Variants in PTOV1 observed in about 807,000 individuals in gnomAD.
The protein encoded by PTOV1 is prostate tumor-overexpressed gene 1 protein.
PTOV1 carries 20 observed loss-of-function variants against 58.0 expected under a neutral mutation model. That is an observed-to-expected ratio of 0.34 (90% confidence interval 0.24 to 0.50). The LOEUF (loss-of-function observed/expected upper bound fraction) is 0.50. PTOV1 is among the 20% of genes least tolerant of loss of function. PTOV1 has a pLI of 0.98. For missense variants in PTOV1, 593 were observed against 565.4 expected (o/e 1.05, Z -0.50); for synonymous variants, 335 against 234.2 (o/e 1.43, Z -3.93).
chr19:49,860,335 T>C lies in PTOV1; in HGVS notation c.*56T>C, dbSNP rs1195154161. On this transcript the variant is annotated 3_prime_UTR_variant, in exon 12 of 12. Transcript: ENST00000391842. Reference sequence around the variant, plus strand: ...TCACAGATGAGGCCCCCGCAGAGACTGGTGAGTGGTGACCCTGTCATGTAC... The same window carrying C: ...TCACAGATGAGGCCCCCGCAGAGACCGGTGAGTGGTGACCCTGTCATGTAC... 3 of 1,348,444 alleles carry C rather than the reference T, an allele frequency of 2.2e-6. No individual in the cohort carries two copies. The Middle Eastern group carries it at 7.6e-4, about 341-fold the overall frequency. 83.5% of individuals were successfully genotyped at this position (1,348,444 alleles called of 1,614,324 possible).
intron 5 of PTOV1, 31 bp from the exon 6 acceptor site, chr19:49,856,944 A>G (rs757743803): frequency 7.5e-6 from 12 of 1,610,168 alleles, no homozygotes; most frequent in Non-Finnish European, 1.0e-5. Flanking sequence ...CCGGGCAGTG[A>G]CCACAGGGTC....
At position 49,857,019 on chromosome 19, in the gene PTOV1, C is replaced by T. The variant is rs558222206; in HGVS notation, c.603C>T (p.Arg201=). Residue 201 remains arginine (R), a synonymous_variant, in exon 6 of 12, where the codon CGC becomes CGT. Coordinates refer to ENST00000391842, the Ensembl canonical transcript of PTOV1. Reference sequence around the variant, plus strand: ...CCCACATCTCCCCCTGTGAGGTGCGCGTGCTCATGCTCCTGTACTCGTCCA... The same window carrying T: ...CCCACATCTCCCCCTGTGAGGTGCGTGTGCTCATGCTCCTGTACTCGTCCA... The T allele has an allele frequency of 4.5e-5, 72 of 1,613,938 alleles. No individual in the cohort carries two copies. The Middle Eastern group carries it at 8.5e-4, about 19-fold the overall frequency.
exon 12 of PTOV1, chr19:49,860,273 G>T (rs1309803589): frequency 1.2e-6 from 2 of 1,613,680 alleles, no homozygotes; most frequent in East Asian, 2.2e-5. Flanking sequence ...CGTAGATGGG[G>T]GGGTAGTGGT....
At chr19:49,859,870 G>A in intron 10 of PTOV1, 116 bp from the exon 11 acceptor site, 4 of 1,151,142 alleles carry the variant, frequency 3.5e-6, no homozygotes, top group South Asian at 2.7e-5. Context: ...TGGGGGGTGT[G>A]AGGACAGAGC....
In PTOV1 at chr19:49,855,268, A is replaced by G. The variant is rs2074413915; in HGVS notation, c.558+191A>G. On this transcript the variant is annotated intron_variant, in intron 5 of 11. Transcript: ENST00000391842. Reference sequence around the variant, plus strand: ...CGTAGAGCACAGGGTGAAGGAACTCAGCCTGAGAGGCCTCCAGTTTCTGCA... The same window carrying G: ...CGTAGAGCACAGGGTGAAGGAACTCGGCCTGAGAGGCCTCCAGTTTCTGCA... 1.8e-5 allele frequency: 11 copies of G among 602,106 alleles called. No homozygotes were observed. In the South Asian group the frequency reaches 1.9e-4, roughly 11 times the overall value. The allele number at this position is 602,106 out of a possible 1,614,324, so 37.3% of individuals were successfully genotyped here. A position where few individuals can be genotyped will look rare whatever the true frequency, so the allele number is the denominator to read the frequency against.
At chr19:49,860,369 C>A in exon 12 of PTOV1, 1 of 1,430,882 alleles carries the variant, frequency 7.0e-7, no homozygotes, top group Non-Finnish European at 9.5e-7. Flanking sequence ...ACAGGAGGGA[C>A]CCTGGGGCAT....
exon 2 of PTOV1, chr19:49,854,543 G>A: frequency 1.2e-6 from 2 of 1,612,970 alleles, no homozygotes; most frequent in Non-Finnish European, 1.7e-6. Context: ...AGTGGCAGGA[G>A]GTGAGTCTCT....
intron 5 of PTOV1, chr19:49,855,499 AG>A: frequency 4.2e-6 from 1 of 237,314 alleles, no homozygotes; most frequent in Non-Finnish European, 8.6e-6. Context: ...AACCTCCCCG[AG>A]TGGCCTGAGC....
At chr19:49,850,744 A>G, upstream of PTOV1, 1 of 1,035,430 alleles carries the variant, frequency 9.7e-7, no homozygotes, top group Admixed American at 2.6e-5. Context: ...CAGCTGTCTC[A>G]GGCTCGGGTG....
In PTOV1 at chr19:49,855,400, G is replaced by A. The variant is rs371519511; in HGVS notation, c.558+323G>A. ...GTCGGGGACACATAGCGTATGGCAG[G>A]GACCTGGTAAATGGGTGTGCTAGGC... is the stretch of plus-strand genomic sequence containing the variant. On this transcript the variant is annotated intron_variant, in intron 5 of 11. Coordinates refer to ENST00000391842, the Ensembl canonical transcript of PTOV1. 1.6e-4 allele frequency: 60 copies of A among 381,698 alleles called. No homozygotes were observed. In the East Asian group the frequency reaches 2.3e-3, roughly 15 times the overall value. 23.6% of individuals were successfully genotyped at this position (381,698 alleles called of 1,614,324 possible). A position where few individuals can be genotyped will look rare whatever the true frequency, so the allele number is the denominator to read the frequency against.
upstream of PTOV1, chr19:49,850,867 GC>G (rs1568633014): frequency 1.3e-6 from 2 of 1,535,674 alleles, no homozygotes; most frequent in Non-Finnish European, 1.7e-6. Flanking sequence ...GGCTCTGCGG[GC>G]CCAGGGCTCC....
chr19:49,860,354 CAT>C, exon 12 of PTOV1: 1 of 1,337,210 alleles, frequency 7.5e-7, no homozygotes, highest in Non-Finnish European at 1.0e-6. Context: ...GTGACCCTGT[CAT>C]GTACAGGAGG....
In PTOV1 at chr19:49,859,981, G is replaced by C. The variant is rs1346337572; in HGVS notation, c.1042-5G>C. 1 of 1,614,010 alleles carries C rather than the reference G, an allele frequency of 6.2e-7. No individual in the cohort carries two copies. Among genetic ancestry groups the C allele is most frequent in the South Asian group, 1.1e-5 (1 of 91,090 alleles). On this transcript the variant is annotated splice_polypyrimidine_tract_variant and splice_region_variant and intron_variant, in intron 10 of 11. Coordinates refer to ENST00000391842, the Ensembl canonical transcript of PTOV1. ...TCTGGTGACACCACGCCCTGTGCCTGCCAGGCCGGCTGCGTGCACTTTTCC... is the reference window on the plus strand; with the variant it reads ...TCTGGTGACACCACGCCCTGTGCCTCCCAGGCCGGCTGCGTGCACTTTTCC...
chr19:49,855,467 A>G (rs1056823150), intron 5 of PTOV1: 6 of 271,670 alleles, frequency 2.2e-5, no homozygotes, highest in Non-Finnish European at 4.4e-5. Context: ...GGGGCTTGGT[A>G]TTCTGGTCTG....
At position 49,857,743 on chromosome 19, in the gene PTOV1, C is replaced by G. The variant is rs145444317; in HGVS notation, c.765C>G (p.Asn255Lys). Residue 255 changes from asparagine (N) to lysine (K), a missense_variant, in exon 7 of 12, where the codon AAC becomes AAG. Asn to Lys is a moderately conservative substitution (Grantham distance 94). Transcript: ENST00000391842. ...CAGGCCCAGTCCAGATCGTCAACAA[C>G]AAGTTTCTGGCATGGAGTGGTGTCA... is the stretch of plus-strand genomic sequence containing the variant. The G allele has an allele frequency of 4.9e-5, 79 of 1,614,170 alleles. No individual in the cohort carries two copies. Among genetic ancestry groups the G allele is most frequent in the Middle Eastern group, 1.7e-4 (1 of 6,058 alleles).
chr19:49,858,278 A>G (rs369875189), intron 9 of PTOV1, 164 bp downstream of exon 9: 74 of 949,298 alleles, frequency 7.8e-5, no homozygotes, highest in Admixed American at 6.0e-4. Context: ...CTTGGCTTCA[A>G]GGGGTCCCAG....
Position 49,854,893 on chromosome 19 carries a change from G to GGGGCCC in PTOV1, c.450+5_450+6insGGGCCC. 9 of 1,603,346 alleles carry GGGGCCC rather than the reference G, an allele frequency of 5.6e-6. No individual in the cohort carries two copies. Among genetic ancestry groups the GGGGCCC allele is most frequent in the Non-Finnish European group, 6.8e-6 (8 of 1,173,146 alleles). ...CTGATCCCTCAGCAGCTGCTGGTGA[G>GGGGCCC]ACCCGCCCCTCCCACCCCATCCACT... On this transcript the variant is annotated splice_donor_region_variant and intron_variant, in intron 4 of 11. Transcript: ENST00000391842.
exon 12 of PTOV1, chr19:49,860,497 C>T: frequency 1.1e-5 from 8 of 697,830 alleles, no homozygotes; most frequent in South Asian, 3.9e-5. Context: ...AGCCCAGCCT[C>T]AGGGCCATGG....
chr19:49,854,992 G>A (rs774909974), exon 5 of PTOV1: 10 of 1,595,402 alleles, frequency 6.3e-6, no homozygotes, highest in Non-Finnish European at 7.7e-6. Context: ...CCCCTGTTCC[G>A]GAACTCCCAG....
Sources: allele counts gnomAD v4.1 joint callset, GRCh38; gene constraint gnomAD v4.1.1; transcripts MANE v1.5; gene names NCBI Gene and HGNC (gene_info 2026-07-23, HGNC 2026-07-21).